The following CDH20 variants were observed in gnomAD, a reference collection of about 807,000 sequenced individuals.
CDH20 encodes cadherin 20.
A neutral mutation model predicts 74.2 loss-of-function variants in CDH20; 29 were observed. The ratio of observed to expected loss-of-function variants is 0.39; its 90% CI spans 0.29 to 0.53. The LOEUF (loss-of-function observed/expected upper bound fraction) is 0.53. CDH20 is among the 20% of genes least tolerant of loss of function. The pLI is 0.69. For synonymous variants in CDH20, 469 were observed against 405.4 expected (o/e 1.16, Z -1.88); for missense variants, 988 against 1,048.3 (o/e 0.94, Z 0.79).
chr18:61,490,875 T>G, intron 2 of CDH20, 76 bp downstream of exon 2: 1 of 1,503,280 alleles, frequency 6.7e-7, no homozygotes, highest in Non-Finnish European at 9.2e-7. Flanking sequence ...AAAGTTGACC[T>G]AGCCTTTATC....
At chr18:61,347,427 T>C (rs1910163780) in intron 1 of CDH20, among the ~76,000 whole-genome samples, 1 of 148,238 alleles carries the variant, frequency 6.7e-6, no homozygotes, top group Non-Finnish European at 1.5e-5. Context: ...GGCTGAGGCA[T>C]GAGAATCACT....
At chr18:61,450,669 C>G (rs1909356014) in intron 1 of CDH20, among the ~76,000 whole-genome samples, 1 of 152,028 alleles carries the variant, frequency 6.6e-6, no homozygotes, top group South Asian at 2.1e-4. Flanking sequence ...TCCAGATTTT[C>G]TGTACACATA....
At chr18:61,358,708 C>A (rs1301533702) in intron 1 of CDH20, among the ~76,000 whole-genome samples, 1 of 152,080 alleles carries the variant, frequency 6.6e-6, no homozygotes, top group Non-Finnish European at 1.5e-5. Flanking sequence ...ATGAATAATA[C>A]CATAATGCTG....
chr18:61,457,423 T>A (rs1909610105), intron 1 of CDH20, among the ~76,000 whole-genome samples: 1 of 152,122 alleles, frequency 6.6e-6, no homozygotes, highest in Admixed American at 6.5e-5. Flanking sequence ...ATCATTCTCA[T>A]TTTCCTCATA....
At chr18:61,343,111 A>G (rs1046249858) in intron 1 of CDH20, among the ~76,000 whole-genome samples, 3 of 152,202 alleles carry the variant, frequency 2.0e-5, no homozygotes, top group Non-Finnish European at 2.9e-5. Flanking sequence ...GTTCATCTTT[A>G]TATGCCCTGA....
chr18:61,423,476 G>C (rs527788339), intron 1 of CDH20, among the ~76,000 whole-genome samples: 1 of 152,104 alleles, frequency 6.6e-6, no homozygotes, highest in Admixed American at 6.5e-5. Flanking sequence ...ATCCATCAGG[G>C]CCAAGGCCCT....
At chr18:61,460,194 A>C (rs1466806859) in intron 1 of CDH20, among the ~76,000 whole-genome samples, 1 of 152,222 alleles carries the variant, frequency 6.6e-6, no homozygotes, top group African/African-American at 2.4e-5. Flanking sequence ...GAAAGGGATT[A>C]GAATTTTCAG....
chr18:61,413,956 C>A lies in CDH20; in HGVS notation c.-152-76446C>A, dbSNP rs540277328. Among the ~76,000 whole-genome samples, 39 of 152,230 alleles carry A rather than the reference C, an allele frequency of 2.6e-4. 1 individual carries two copies. Among genetic ancestry groups the A allele is most frequent in the African/African-American group, 9.4e-4 (39 of 41,580 alleles). On this transcript the variant is annotated intron_variant, in intron 1 of 11. Coordinates refer to ENST00000262717, the MANE Select transcript of CDH20 (RefSeq NM_031891.4). The stretch of plus-strand genomic sequence containing the variant: ...AAATTAGGTTGTCAAGAAACCTGTT[C>A]ATAATACACCTCAGTAGGTCAAGAG...
chr18:61,437,850 A>G (rs1331450309), intron 1 of CDH20, among the ~76,000 whole-genome samples: 1 of 152,086 alleles, frequency 6.6e-6, no homozygotes. Flanking sequence ...TCTTTCCCCC[A>G]TGTGAATTTT....
intron 1 of CDH20, among the ~76,000 whole-genome samples, chr18:61,411,855 T>C (rs762831480): frequency 1.3e-5 from 2 of 151,520 alleles, no homozygotes; most frequent in Non-Finnish European, 2.9e-5. Flanking sequence ...GAGAGGGAAG[T>C]TGTGGGAAGG....
chr18:61,468,163 C>A (rs895078469), intron 1 of CDH20, among the ~76,000 whole-genome samples: 3 of 152,144 alleles, frequency 2.0e-5, no homozygotes, highest in Non-Finnish European at 4.4e-5. Context: ...AGTTAATAGG[C>A]CTCAACTGTA....
chr18:61,532,674 C>T (rs1372831430), intron 7 of CDH20, among the ~76,000 whole-genome samples: 1 of 152,036 alleles, frequency 6.6e-6, no homozygotes, highest in Non-Finnish European at 1.5e-5. Context: ...CTATGCTAAT[C>T]ATAACCCACC....
At chr18:61,420,959 G>C (rs1912857284) in intron 1 of CDH20, among the ~76,000 whole-genome samples, 1 of 152,162 alleles carries the variant, frequency 6.6e-6, no homozygotes, top group Non-Finnish European at 1.5e-5. Flanking sequence ...GCTGAGGCAG[G>C]AGAACTGCTT....
At chr18:61,533,702 A>G (rs569596508) in intron 7 of CDH20, among the ~76,000 whole-genome samples, 91 of 152,324 alleles carry the variant, frequency 6.0e-4, no homozygotes, top group African/African-American at 2.1e-3. Context: ...GCCCAGACCA[A>G]CATTGTGGAG....
At chr18:61,359,308 A>G (rs1910607846) in intron 1 of CDH20, among the ~76,000 whole-genome samples, 1 of 152,020 alleles carries the variant, frequency 6.6e-6, no homozygotes, top group Non-Finnish European at 1.5e-5. Context: ...AATCTTCTAA[A>G]GATTTTTTTG....
chr18:61,399,216 T>C (rs1037880711), intron 1 of CDH20, among the ~76,000 whole-genome samples: 7 of 151,564 alleles, frequency 4.6e-5, no homozygotes, highest in East Asian at 1.9e-4. Flanking sequence ...GTGGGGTTCA[T>C]AGAACACCAG....
At chr18:61,424,381 A>T (rs1280673631) in intron 1 of CDH20, among the ~76,000 whole-genome samples, 1 of 152,250 alleles carries the variant, frequency 6.6e-6, no homozygotes, top group Admixed American at 6.5e-5. Flanking sequence ...AATGTTTACT[A>T]AATGGGAGGC....
chr18:61,536,482 TG>T lies in CDH20; in HGVS notation c.1272-10del. Reference sequence around the variant, plus strand: ...AAATGCAAATGATGTACGTAATCCATGTTTCTGCAGATACTCCATTGATAGA... The same window carrying T: ...AAATGCAAATGATGTACGTAATCCATTTTCTGCAGATACTCCATTGATAGA... On this transcript the variant is annotated splice_polypyrimidine_tract_variant and intron_variant, in intron 7 of 11. Coordinates refer to ENST00000262717, the MANE Select transcript of CDH20 (RefSeq NM_031891.4). 2 of 1,613,090 alleles carry T rather than the reference TG, an allele frequency of 1.2e-6. No homozygotes were observed. The highest frequency in any genetic ancestry group is 1.7e-6 in the Non-Finnish European group (2 of 1,179,160).
chr18:61,505,171 A>G (rs1399645757), intron 5 of CDH20, among the ~76,000 whole-genome samples: 2 of 152,154 alleles, frequency 1.3e-5, no homozygotes, highest in Non-Finnish European at 2.9e-5. Flanking sequence ...CAGAAGGGAC[A>G]GTAGAACCAG....
Sources: gnomAD v4.1 joint callset for allele counts (sites outside exome capture counted in the v4.1 genomes callset) on GRCh38, gnomAD v4.1.1 for gene constraint, MANE v1.5 for transcripts, NCBI Gene and HGNC (gene_info 2026-07-23, HGNC 2026-07-21) for gene names.